The following ATP9A variants were observed in gnomAD, a reference collection of about 807,000 sequenced individuals.
ATP9A encodes the protein ATPase phospholipid transporting 9A.
Under a neutral mutation model 144.1 loss-of-function variants are expected in ATP9A, and 52 were observed. The observed-to-expected ratio is 0.36, with a 90% CI of 0.29 to 0.45. ATP9A has a LOEUF of 0.45. Among genes scored for constraint, ATP9A ranks in the 20% least tolerant of loss-of-function variants. The probability of loss-of-function intolerance (pLI) is 1.00; values close to 1 mark genes in which losing one functional copy is unlikely to be tolerated. For missense variants in ATP9A, 947 were observed against 1,392.7 expected (o/e 0.68, Z 5.09); for synonymous variants, 582 against 557.4 (o/e 1.04, Z -0.62).
chr20:51,728,491 G>C (rs1366239237), intron 2 of ATP9A, among the ~76,000 whole-genome samples: 2 of 152,060 alleles, frequency 1.3e-5, no homozygotes, highest in Non-Finnish European at 2.9e-5. Context: ...AGCCGGGCGT[G>C]GTGGCGGGTG....
intron 14 of ATP9A, among the ~76,000 whole-genome samples, chr20:51,645,538 AAC>A (rs1601078948): frequency 3.5e-5 from 4 of 114,736 alleles, no homozygotes. Flanking sequence ...AAAACAAACA[AAC>A]AAAAAAAAAA....
rs56043552 is a variant in ATP9A, at chr20:51,638,071, T to TTATATATATATATATA, written c.1668+1256_1668+1271dup. Among the ~76,000 whole-genome samples the TTATATATATATATATA allele has an allele frequency of 7.0e-4, 24 of 34,168 alleles. 1 individual carries two copies. Among genetic ancestry groups the TTATATATATATATATA allele is most frequent in the Admixed American group, 9.5e-4 (2 of 2,100 alleles). The allele number at this position is 34,168 out of a possible 152,430, so 22.4% of individuals were successfully genotyped here. A position where few individuals can be genotyped will look rare whatever the true frequency, so the allele number is the denominator to read the frequency against. ...CATGGCTAAGTAGCATTTCATCATT[T>TTATATATATATATATA]TATATATATATATATATATATATAT... On this transcript the variant is annotated intron_variant, in intron 15 of 27. Transcript: ENST00000338821.
At chr20:51,727,068 C>T (rs998745742) in intron 2 of ATP9A, among the ~76,000 whole-genome samples, 3 of 151,164 alleles carry the variant, frequency 2.0e-5, no homozygotes, top group Non-Finnish European at 3.0e-5. Flanking sequence ...CTGAGGCAGG[C>T]GGATCACGAG....
chr20:51,697,546 CAG>C, intron 4 of ATP9A, 64 bp from the exon 5 acceptor site: 1 of 1,494,290 alleles, frequency 6.7e-7, no homozygotes, highest in South Asian at 1.2e-5. Context: ...CACGTCTTTA[CAG>C]AGTGCCCAGC....
At chr20:51,638,075 A>T (rs13039895) in intron 15 of ATP9A, among the ~76,000 whole-genome samples, 808 of 12,146 alleles carry the variant, frequency 0.067, 9 homozygotes, top group East Asian at 0.25. Context: ...ATCATTTTAT[A>T]TATATATATA....
intron 8 of ATP9A, among the ~76,000 whole-genome samples, chr20:51,689,601 G>A (rs934083174): frequency 2.7e-5 from 4 of 150,524 alleles, no homozygotes; most frequent in Middle Eastern, 3.3e-3. Context: ...GCAGTGGCGC[G>A]ATCTCGGCCC....
At chr20:51,709,657 G>T (rs984894206) in intron 4 of ATP9A, among the ~76,000 whole-genome samples, 3 of 152,166 alleles carry the variant, frequency 2.0e-5, no homozygotes, top group African/African-American at 7.2e-5. Context: ...AGCCTGGAAG[G>T]CGGAGGTTGC....
At chr20:51,696,253 G>A (rs1302224947) in intron 5 of ATP9A, 109 bp from the exon 6 acceptor site, 5 of 843,050 alleles carry the variant, frequency 5.9e-6, no homozygotes, top group South Asian at 3.2e-5. Context: ...TTGGGGCAGG[G>A]GGGACTGAAA....
chr20:51,670,142 T>C (rs1315087240), intron 12 of ATP9A, 33 bp from the exon 13 acceptor site: 1 of 1,517,060 alleles, frequency 6.6e-7, no homozygotes, highest in East Asian at 2.3e-5. Context: ...GGCCGGCCTG[T>C]CTCTCAGGAT....
At chr20:51,695,466 G>A (rs368198706) in intron 6 of ATP9A, among the ~76,000 whole-genome samples, 28 of 124,972 alleles carry the variant, frequency 2.2e-4, no homozygotes, top group South Asian at 2.8e-4. Flanking sequence ...CGGTCTCAAG[G>A]AAAAAAAAAA....
rs149633584 is a variant in ATP9A, at chr20:51,718,303, C to T, written c.328-5229G>A. Among the ~76,000 whole-genome samples, 5 of 151,874 alleles carry T rather than the reference C, an allele frequency of 3.3e-5. No individual in the cohort carries two copies. In the East Asian group the frequency reaches 9.7e-4, roughly 30 times the overall value. ...AGTAAGAAGGCACTGGAAGGAAACACACCAGAATCATAAATGGGATATTTT... is the reference window on the plus strand; with the variant it reads ...AGTAAGAAGGCACTGGAAGGAAACATACCAGAATCATAAATGGGATATTTT... On this transcript the variant is annotated intron_variant, in intron 3 of 27. Transcript: ENST00000338821.
intron 3 of ATP9A, among the ~76,000 whole-genome samples, chr20:51,718,908 T>C (rs995589969): frequency 1.4e-5 from 2 of 138,608 alleles, no homozygotes; most frequent in Non-Finnish European, 3.1e-5. Context: ...GGCAGGTGGA[T>C]CACGAGGTCA....
chr20:51,702,368 G>A (rs1345208907), intron 4 of ATP9A, among the ~76,000 whole-genome samples: 2 of 87,614 alleles, frequency 2.3e-5, no homozygotes, highest in Non-Finnish European at 4.4e-5. Flanking sequence ...GTGTGTTCGT[G>A]TGTGTGTGTG....
intron 1 of ATP9A, among the ~76,000 whole-genome samples, chr20:51,738,068 G>A (rs1290887367): frequency 6.9e-6 from 1 of 145,236 alleles, no homozygotes; most frequent in Non-Finnish European, 1.5e-5. Flanking sequence ...TCTCTCTGTT[G>A]CCCAGGCTGG....
chr20:51,654,198 G>T (rs765920955), intron 14 of ATP9A, among the ~76,000 whole-genome samples: 3 of 152,092 alleles, frequency 2.0e-5, no homozygotes, highest in African/African-American at 7.2e-5. Context: ...CAACAGTCAC[G>T]GATGAACTGG....
At chr20:51,754,390 C>A (rs991852417) in intron 1 of ATP9A, among the ~76,000 whole-genome samples, 9 of 152,006 alleles carry the variant, frequency 5.9e-5, no homozygotes, top group African/African-American at 2.2e-4. Flanking sequence ...GTAATCCCAG[C>A]TACGCAGGAG....
chr20:51,597,235 C>T lies in ATP9A; in HGVS notation c.*3976G>A, dbSNP rs900516745. 6 of 152,312 alleles carry T rather than the reference C, an allele frequency of 3.9e-5. No homozygotes were observed. The East Asian group carries it at 1.2e-3, about 29-fold the overall frequency. 9.4% of individuals were successfully genotyped at this position (152,312 alleles called of 1,614,324 possible). On this transcript the variant is annotated 3_prime_UTR_variant, in exon 28 of 28. Transcript: ENST00000338821. ...AATGCCGCTTTGGCCTGAGAAGATG[C>T]TTCGGAGCTCCAGGTGGAGGAGCTG...
At chr20:51,675,606 G>A (rs746794244) in intron 10 of ATP9A, among the ~76,000 whole-genome samples, 3 of 152,200 alleles carry the variant, frequency 2.0e-5, no homozygotes, top group African/African-American at 7.2e-5. Context: ...AATGCTGGGC[G>A]CCATGGCTCA....
Position 51,620,488 on chromosome 20 carries a change from G to A in ATP9A, c.2116-1445C>T, listed in dbSNP as rs767016067. Among the ~76,000 whole-genome samples the A allele has an allele frequency of 3.9e-5, 6 of 152,188 alleles. 1 individual carries two copies. The South Asian group carries it at 1.0e-3, about 26-fold the overall frequency. ...AAATATATAACCTTATTTTATGTGC[G>A]TTTCTACTTAAAGACACCTGGATTC... On this transcript the variant is annotated intron_variant, in intron 19 of 27. Coordinates refer to ENST00000338821, the MANE Select transcript of ATP9A (RefSeq NM_006045.3).
Sources: gnomAD v4.1 joint callset for allele counts (sites outside exome capture counted in the v4.1 genomes callset) on GRCh38, gnomAD v4.1.1 for gene constraint, MANE v1.5 for transcripts, NCBI Gene and HGNC (gene_info 2026-07-23, HGNC 2026-07-21) for gene names.